Variants in LMX1A observed in about 807,000 individuals in gnomAD.
The protein encoded by LMX1A is LIM homeobox transcription factor 1 alpha.
A neutral mutation model predicts 49.1 loss-of-function variants in LMX1A; 15 were observed. The ratio of observed to expected loss-of-function variants is 0.31; its 90% CI spans 0.20 to 0.47. LMX1A has a LOEUF of 0.47. LMX1A is among the 20% of genes least tolerant of loss of function. The pLI is 1.00. For missense variants in LMX1A, 372 were observed against 475.8 expected (o/e 0.78, Z 2.03); for synonymous variants, 167 against 185.7 (o/e 0.90, Z 0.82).
Position 165,247,054 on chromosome 1 carries a change from C to CTTTTTTTTTTTTTTTTTTTTTTTTTT in LMX1A, c.496+2328_496+2353dup, listed in dbSNP as rs71097567. Among the ~76,000 whole-genome samples, 223 of 53,228 alleles carry CTTTTTTTTTTTTTTTTTTTTTTTTTT rather than the reference C, an allele frequency of 4.2e-3. 73 individuals are homozygous for CTTTTTTTTTTTTTTTTTTTTTTTTTT. The highest frequency in any genetic ancestry group is 7.9e-3 in the East Asian group (10 of 1,258). The allele number at this position is 53,228 out of a possible 152,430, so 34.9% of individuals were successfully genotyped here. On this transcript the variant is annotated intron_variant, in intron 4 of 8. Coordinates refer to ENST00000342310, the MANE Select transcript of LMX1A (RefSeq NM_177398.4). ...GTTACTTAGATCAGATCAGCTTTTTCTTTTTTTTTTTTTTTTTTTTTTTTT... is the reference window on the plus strand; with the variant it reads ...GTTACTTAGATCAGATCAGCTTTTTCTTTTTTTTTTTTTTTTTTTTTTTTTTTTTTTTTTTTTTTTTTTTTTTTTTT...
intron 4 of LMX1A, among the ~76,000 whole-genome samples, chr1:165,231,352 G>A (rs1652234732): frequency 2.0e-5 from 3 of 151,538 alleles, no homozygotes; most frequent in South Asian, 4.2e-4. Context: ...TACCCAGGCT[G>A]GAGTGCAGTG....
intron 3 of LMX1A, among the ~76,000 whole-genome samples, chr1:165,284,888 G>C (rs1241624871): frequency 6.6e-6 from 1 of 152,192 alleles, no homozygotes; most frequent in Non-Finnish European, 1.5e-5. Context: ...GCCTGCAATA[G>C]CCGCCAGAAC....
intron 3 of LMX1A, among the ~76,000 whole-genome samples, chr1:165,317,250 G>A (rs1332779950): frequency 6.6e-6 from 1 of 150,566 alleles, no homozygotes; most frequent in Non-Finnish European, 1.5e-5. Flanking sequence ...CCATAGAAAT[G>A]CAACTATCCA....
At chr1:165,354,066 C>A (rs1656516988) in intron 2 of LMX1A, among the ~76,000 whole-genome samples, 1 of 152,168 alleles carries the variant, frequency 6.6e-6, no homozygotes, top group Non-Finnish European at 1.5e-5. Context: ...TGTTTTGTTC[C>A]TTTAGTTTGT....
intron 2 of LMX1A, among the ~76,000 whole-genome samples, chr1:165,353,763 T>TG (rs1344122367): frequency 1.3e-5 from 2 of 152,246 alleles, no homozygotes; most frequent in East Asian, 1.9e-4. Flanking sequence ...TAAAAAGTCC[T>TG]GGGGGTACAG....
At chr1:165,272,469 C>G (rs769776327) in intron 3 of LMX1A, among the ~76,000 whole-genome samples, 1 of 152,148 alleles carries the variant, frequency 6.6e-6, no homozygotes, top group Non-Finnish European at 1.5e-5. Context: ...GCTTCCTTCC[C>G]TGCCTCTTCC....
intron 3 of LMX1A, among the ~76,000 whole-genome samples, chr1:165,336,634 C>T (rs772056982): frequency 2.0e-5 from 3 of 152,212 alleles, no homozygotes; most frequent in African/African-American, 7.2e-5. Flanking sequence ...ACTCCAACCC[C>T]TCCACCTACA....
chr1:165,247,054 CTTTTTTT>C (rs71097567), intron 4 of LMX1A, among the ~76,000 whole-genome samples: 36 of 53,230 alleles, frequency 6.8e-4, no homozygotes, highest in South Asian at 2.9e-3. Flanking sequence ...TCAGCTTTTT[CTTTTTTT>C]TTTTTTTTTT....
chr1:165,299,649 A>G (rs937530400), intron 3 of LMX1A, among the ~76,000 whole-genome samples: 2 of 152,168 alleles, frequency 1.3e-5, no homozygotes, highest in African/African-American at 4.8e-5. Context: ...CAAATCGACC[A>G]TGAAGAAAAG....
At chr1:165,234,153 C>A (rs907324385) in intron 4 of LMX1A, among the ~76,000 whole-genome samples, 5 of 152,206 alleles carry the variant, frequency 3.3e-5, no homozygotes, top group African/African-American at 4.8e-5. Context: ...TACTCTCACT[C>A]ACACCAGGAT....
chr1:165,206,157 T>TGGTAGGACAAAGGC, intron 7 of LMX1A, 123 bp from the exon 8 acceptor site: 2 of 875,818 alleles, frequency 2.3e-6, no homozygotes, highest in Non-Finnish European at 3.4e-6. Flanking sequence ...GTCCCAGCCT[T>TGGTAGGACAAAGGC]TGTCCTACCA....
chr1:165,306,950 G>C (rs1156647179), intron 3 of LMX1A, among the ~76,000 whole-genome samples: 1 of 152,248 alleles, frequency 6.6e-6, no homozygotes, highest in Non-Finnish European at 1.5e-5. Context: ...GAGGGGCTCA[G>C]CCTGAGCTGC....
Position 165,202,337 on chromosome 1 carries a change from C to T in LMX1A, c.*1543G>A, listed in dbSNP as rs1650880834. 6.6e-6 allele frequency: 1 copy of T among 152,652 alleles called. No individual in the cohort carries two copies. Among genetic ancestry groups the T allele is most frequent in the Non-Finnish European group, 1.5e-5 (1 of 68,108 alleles). The allele number at this position is 152,652 out of a possible 1,614,324, so 9.5% of individuals were successfully genotyped here. ...GGAGACCAGGGTGTGGAACTGTCCC[C>T]ATGTACAATGGCTGCTGGGTCTTCT... On this transcript the variant is annotated 3_prime_UTR_variant, in exon 9 of 9. Coordinates refer to ENST00000342310, the MANE Select transcript of LMX1A (RefSeq NM_177398.4).
intron 5 of LMX1A, among the ~76,000 whole-genome samples, chr1:165,211,737 C>T (rs1651406648): frequency 2.0e-5 from 3 of 152,160 alleles, no homozygotes; most frequent in South Asian, 2.1e-4. Flanking sequence ...GGCCCACCTC[C>T]ACCTGCTGAA....
chr1:165,273,463 A>C (rs1326182776), intron 3 of LMX1A, among the ~76,000 whole-genome samples: 1 of 152,200 alleles, frequency 6.6e-6, no homozygotes, highest in African/African-American at 2.4e-5. Context: ...ACAATCTGTC[A>C]AGAAAGTCAG....
intron 4 of LMX1A, among the ~76,000 whole-genome samples, chr1:165,225,767 C>T (rs1388219797): frequency 6.6e-6 from 1 of 152,196 alleles, no homozygotes; most frequent in Non-Finnish European, 1.5e-5. Flanking sequence ...GGTGATGCTG[C>T]TGCTGCTGCT....
At chr1:165,262,683 A>T (rs765302512) in intron 3 of LMX1A, among the ~76,000 whole-genome samples, 1 of 152,038 alleles carries the variant, frequency 6.6e-6, no homozygotes, top group Non-Finnish European at 1.5e-5. Context: ...CTCAAAAACT[A>T]TATCATATAT....
intron 4 of LMX1A, among the ~76,000 whole-genome samples, chr1:165,228,279 C>A (rs554892588): frequency 6.6e-6 from 1 of 152,308 alleles, no homozygotes; most frequent in South Asian, 2.1e-4. Context: ...GACAGGCCCA[C>A]TGCAGCTCCA....
intron 3 of LMX1A, among the ~76,000 whole-genome samples, chr1:165,286,252 T>C (rs1057160112): frequency 1.3e-5 from 2 of 152,146 alleles, no homozygotes; most frequent in Admixed American, 1.3e-4. Flanking sequence ...AGGCACAGAG[T>C]ATGTCGGCAC....
Sources: allele counts gnomAD v4.1 joint callset (sites outside exome capture counted in the v4.1 genomes callset), GRCh38; gene constraint gnomAD v4.1.1; transcripts MANE v1.5; gene names NCBI Gene and HGNC (gene_info 2026-07-23, HGNC 2026-07-21).